Variants in CEP41 observed in about 807,000 individuals in gnomAD.
The protein encoded by CEP41 is centrosomal protein of 41 kDa.
CEP41 carries 32 observed loss-of-function variants against 44.3 expected under a neutral mutation model. The ratio of observed to expected loss-of-function variants is 0.72; its 90% CI spans 0.54 to 0.97. CEP41 has a LOEUF of 0.97. Ranked by LOEUF, CEP41 falls within the 50% of genes least tolerant of loss-of-function variation. CEP41 has a pLI of 0.00. For missense variants in CEP41, 432 were observed against 455.2 expected (o/e 0.95, Z 0.46); for synonymous variants, 151 against 168.5 (o/e 0.90, Z 0.80).
chr7:130,421,015 G>A (rs1797492026), intron 2 of CEP41: 8 of 977,244 alleles, frequency 8.2e-6, no homozygotes, highest in Middle Eastern at 5.3e-4. Flanking sequence ...ACCTATAAAT[G>A]TATAAGGTAG....
At chr7:130,399,276 T>C in intron 10 of CEP41, 2 of 555,914 alleles carry the variant, frequency 3.6e-6, no homozygotes, top group South Asian at 2.0e-5. Flanking sequence ...TCCCTTCCTC[T>C]CCAACATCCC....
rs1796857355 is a variant in CEP41, at chr7:130,401,968, T to C, written c.575-20A>G. On this transcript the variant is annotated intron_variant, in intron 7 of 10. Transcript: ENST00000223208. ...TGTAAGCTGCAAAGAGAAGAAAAAG[T>C]TTAGGAAGTCTGTTGTTCTCTTAAT... The C allele has an allele frequency of 6.4e-7, 1 of 1,569,708 alleles. No homozygotes were observed. The highest frequency in any genetic ancestry group is 1.7e-4 in the Middle Eastern group (1 of 5,980).
intron 1 of CEP41, 38 bp downstream of exon 1, chr7:130,440,896 C>T: frequency 1.2e-6 from 2 of 1,607,626 alleles, no homozygotes; most frequent in Admixed American, 1.7e-5. Context: ...CCGGTGCGCC[C>T]GCCCCCTCCG....
chr7:130,395,307 A>G lies in CEP41; in HGVS notation c.*3584T>C. ...ATGGACCTGCATGTAAGTACTCAAC[A>G]TGCTCACATAATTAAACTGGTGAAT... On this transcript the variant is annotated 3_prime_UTR_variant, in exon 11 of 11. Transcript: ENST00000223208. 2.2e-6 allele frequency: 1 copy of G among 454,132 alleles called. No homozygotes were observed. Among genetic ancestry groups the G allele is most frequent in the Non-Finnish European group, 4.4e-6 (1 of 226,784 alleles). 28.1% of individuals were successfully genotyped at this position (454,132 alleles called of 1,614,324 possible). A position where few individuals can be genotyped will look rare whatever the true frequency, so the allele number is the denominator to read the frequency against.
In CEP41 at chr7:130,394,949, A is replaced by C; in HGVS notation, c.*3942T>G. The C allele has an allele frequency of 2.2e-6, 1 of 454,092 alleles. No homozygotes were observed. Among genetic ancestry groups the C allele is most frequent in the Non-Finnish European group, 4.4e-6 (1 of 226,786 alleles). The allele number at this position is 454,092 out of a possible 1,614,324, so 28.1% of individuals were successfully genotyped here. A position where few individuals can be genotyped will look rare whatever the true frequency, so the allele number is the denominator to read the frequency against. ...TTTACCAGGTGCTTCAGGATGTTAC[A>C]CAGGTGAGAATTTGCTTCTGTACAG... On this transcript the variant is annotated 3_prime_UTR_variant, in exon 11 of 11. Coordinates refer to ENST00000223208, the MANE Select transcript of CEP41 (RefSeq NM_018718.3).
At chr7:130,421,914 T>C (rs1393791179) in intron 2 of CEP41, 4 of 1,533,950 alleles carry the variant, frequency 2.6e-6, no homozygotes, top group East Asian at 2.4e-5. Context: ...CGGTGGTGAC[T>C]GAACAAAACG....
At chr7:130,421,617 G>T in intron 2 of CEP41, 1 of 1,006,890 alleles carries the variant, frequency 9.9e-7, no homozygotes. Flanking sequence ...GAAGAAAAGA[G>T]GGAATGAATA....
intron 3 of CEP41, among the ~76,000 whole-genome samples, chr7:130,415,446 A>C (rs183988783): frequency 2.8e-4 from 43 of 152,346 alleles, no homozygotes; most frequent in Admixed American, 1.2e-3. Context: ...AAATGGGGTA[A>C]CAGGAATCTC....
intron 1 of CEP41, among the ~76,000 whole-genome samples, chr7:130,436,900 G>A (rs536366860): frequency 1.3e-5 from 2 of 152,180 alleles, no homozygotes; most frequent in Admixed American, 6.5e-5. Flanking sequence ...TTAGCTGGGC[G>A]TGGTGGCAGG....
chr7:130,412,503 T>C (rs776321597), intron 3 of CEP41, among the ~76,000 whole-genome samples: 2 of 152,222 alleles, frequency 1.3e-5, no homozygotes, highest in Non-Finnish European at 2.9e-5. Flanking sequence ...TGCCTTTATT[T>C]TATTAGTCTA....
intron 2 of CEP41, among the ~76,000 whole-genome samples, chr7:130,418,721 G>A (rs957545167): frequency 2.3e-4 from 35 of 152,036 alleles, no homozygotes; most frequent in Admixed American, 1.2e-3. Context: ...TTTTTTTGTT[G>A]TGTTGTTGTA....
At chr7:130,419,835 AC>A in intron 2 of CEP41, 1 of 985,176 alleles carries the variant, frequency 1.0e-6, no homozygotes, top group Non-Finnish European at 1.2e-6. Context: ...GCAGGAAGTG[AC>A]CTTTCCCTCC....
intron 2 of CEP41, chr7:130,419,221 C>T: frequency 1.0e-6 from 1 of 985,372 alleles, no homozygotes; most frequent in Non-Finnish European, 1.2e-6. Flanking sequence ...TCTGAGAGGA[C>T]TACTGATGAG....
chr7:130,405,790 A>G (rs1053745057), intron 5 of CEP41, among the ~76,000 whole-genome samples: 45 of 152,246 alleles, frequency 3.0e-4, no homozygotes, highest in African/African-American at 1.1e-3. Flanking sequence ...TCTACATTAC[A>G]GCTAATCCTT....
chr7:130,434,403 G>C (rs184446803), intron 1 of CEP41, among the ~76,000 whole-genome samples: 117 of 152,236 alleles, frequency 7.7e-4, no homozygotes, highest in African/African-American at 2.6e-3. Context: ...AAGATGAAAA[G>C]ATAAGCTACA....
rs1421122328 is a variant in CEP41, at chr7:130,394,529, T to C, written c.*4362A>G. 2 of 453,988 alleles carry C rather than the reference T, an allele frequency of 4.4e-6. No individual in the cohort carries two copies. Among genetic ancestry groups the C allele is most frequent in the Non-Finnish European group, 8.8e-6 (2 of 226,798 alleles). 28.1% of individuals were successfully genotyped at this position (453,988 alleles called of 1,614,324 possible). ...GCGTGCTGAATTTGGGAGGATACTTTAAGCCTGGCAGAGACAGGGTAATAA... is the reference window on the plus strand; with the variant it reads ...GCGTGCTGAATTTGGGAGGATACTTCAAGCCTGGCAGAGACAGGGTAATAA... On this transcript the variant is annotated 3_prime_UTR_variant, in exon 11 of 11. Transcript: ENST00000223208.
At chr7:130,402,303 G>A (rs922582738) in intron 7 of CEP41, among the ~76,000 whole-genome samples, 13 of 142,238 alleles carry the variant, frequency 9.1e-5, no homozygotes, top group East Asian at 6.1e-4. Flanking sequence ...CTGTGATCGC[G>A]CCACTACACT....
At chr7:130,416,897 A>G in intron 3 of CEP41, 22 bp downstream of exon 3, 5 of 1,556,376 alleles carry the variant, frequency 3.2e-6, no homozygotes, top group Non-Finnish European at 3.5e-6. Context: ...CACTCTCCCA[A>G]ACCATCAAGA....
rs1554416692 is a variant in CEP41, at chr7:130,400,781, T to A, written c.683A>T (p.Asp228Val). The part of the protein sequence containing the change: ...HGKIIILYDD[D>V]ERLASQAATT... The stretch of plus-strand genomic sequence containing the variant: ...GGCCGCCTGACTGGCCAGCCTTTCA[T>A]CATCGTCATACAGAATGATGATCTT... The change falls in exon 9 of 11, where the codon GAT (aspartate) becomes GTT (valine). Residue 228 changes from aspartate to valine, a missense_variant. By Grantham distance (152) the Asp-to-Val change is radical (BLOSUM62 -3). Transcript: ENST00000223208. 2 of 1,613,730 alleles carry A rather than the reference T, an allele frequency of 1.2e-6. No homozygotes were observed. The highest frequency in any genetic ancestry group is 8.5e-7 in the Non-Finnish European group (1 of 1,179,848).
Sources: gnomAD v4.1 joint callset for allele counts (sites outside exome capture counted in the v4.1 genomes callset) on GRCh38, gnomAD v4.1.1 for gene constraint, MANE v1.5 for transcripts, NCBI Gene and HGNC (gene_info 2026-07-23, HGNC 2026-07-21) for gene names.